Variants in BDP1 observed in about 807,000 individuals in gnomAD.
The protein encoded by BDP1 is transcription factor TFIIIB component B'' homolog.
A neutral mutation model predicts 266.6 loss-of-function variants in BDP1; 169 were observed. The ratio of observed to expected loss-of-function variants is 0.63; its 90% CI spans 0.56 to 0.72. BDP1 has a LOEUF of 0.72. Ranked by LOEUF, BDP1 falls within the 30% of genes least tolerant of loss-of-function variation. The probability of loss-of-function intolerance (pLI) is 0.00; values close to 1 mark genes in which losing one functional copy is unlikely to be tolerated. For missense variants in BDP1, 3,015 were observed against 3,053.8 expected, an observed-to-expected ratio of 0.99 and a Z score of 0.30; for synonymous variants, 1,090 against 1,022.4, an observed-to-expected ratio of 1.07 and a Z score of -1.26.
At position 71,545,219 on chromosome 5, in the gene BDP1, G is replaced by A. The variant is rs2150572413; in HGVS notation, c.6744G>A (p.Glu2248=). The change falls in exon 32 of 39, where the codon GAG becomes GAA. Residue 2248 remains glutamate (E), a splice_region_variant and synonymous_variant. Coordinates refer to ENST00000358731, the MANE Select transcript of BDP1 (RefSeq NM_018429.3). The part of the protein sequence containing the change: ...GDSVLTLPVP[E]YTPTSIPEVQ... ...GTGTGCTTACACTTCCTGTGCCAGAGGTAAAAGAATGTACAGTATAATAAG... is the reference window on the plus strand; with the variant it reads ...GTGTGCTTACACTTCCTGTGCCAGAAGTAAAAGAATGTACAGTATAATAAG... 6.2e-7 allele frequency: 1 copy of A among 1,611,342 alleles called. No individual in the cohort carries two copies. Among genetic ancestry groups the A allele is most frequent in the Non-Finnish European group, 8.5e-7 (1 of 1,179,318 alleles).
At chr5:71,520,981 G>T (rs1005119012) in intron 22 of BDP1, among the ~76,000 whole-genome samples, 2 of 151,900 alleles carry the variant, frequency 1.3e-5, no homozygotes, top group African/African-American at 4.8e-5. Flanking sequence ...CTGAGTTCGG[G>T]AGTTTGAGAC....
In BDP1 at chr5:71,558,715, A is replaced by G. The variant is rs182325990; in HGVS notation, c.7241-1267A>G. On this transcript the variant is annotated intron_variant, in intron 36 of 38. Coordinates refer to ENST00000358731, the MANE Select transcript of BDP1 (RefSeq NM_018429.3). ...GTGGCGGGCACCTGTAATCCCAGTT[A>G]CTCGGCAGGCTGAGGCAGGAGAATC... Among the ~76,000 whole-genome samples, 709 of 151,730 alleles carry G rather than the reference A, an allele frequency of 4.7e-3. 4 individuals carry two copies. In the Middle Eastern group the frequency reaches 0.065, roughly 14 times the overall value.
At chr5:71,562,893 A>G (rs1743779950) in intron 38 of BDP1, 9 of 1,287,412 alleles carry the variant, frequency 7.0e-6, no homozygotes, top group Non-Finnish European at 9.1e-6. Flanking sequence ...AAGCTGTCCA[A>G]TGGCAAGTAT....
intron 11 of BDP1, among the ~76,000 whole-genome samples, chr5:71,492,320 G>C (rs1241631494): frequency 6.6e-6 from 1 of 152,084 alleles, no homozygotes; most frequent in East Asian, 1.9e-4. Context: ...CCTCCATACT[G>C]TTTCCAATAG....
In BDP1 at chr5:71,541,699, A is replaced by G; in HGVS notation, c.6251+17A>G. 7.0e-7 allele frequency: 1 copy of G among 1,432,994 alleles called. No homozygotes were observed. The highest frequency in any genetic ancestry group is 9.5e-7 in the Non-Finnish European group (1 of 1,051,224). The allele number at this position is 1,432,994 out of a possible 1,614,324, so 88.8% of individuals were successfully genotyped here. ...ACCAACCAGGTTTATTTTAGTATTC[A>G]ATTAATAAATATTACTAAAACCACC... On this transcript the variant is annotated intron_variant, in intron 29 of 38. Coordinates refer to ENST00000358731, the MANE Select transcript of BDP1 (RefSeq NM_018429.3).
intron 26 of BDP1, 62 bp from the exon 27 acceptor site, chr5:71,538,980 C>A: frequency 8.9e-7 from 1 of 1,125,818 alleles, no homozygotes; most frequent in Non-Finnish European, 1.3e-6. Context: ...GTAGTGCATG[C>A]TGAGAAACAG....
intron 22 of BDP1, among the ~76,000 whole-genome samples, chr5:71,520,815 A>G (rs1765453742): frequency 6.6e-6 from 1 of 152,190 alleles, no homozygotes; most frequent in Non-Finnish European, 1.5e-5. Context: ...CAGTAGAGAA[A>G]AATAAAGTTT....
rs1223989173 is a variant in BDP1, at chr5:71,564,868, G to C, written c.7858G>C (p.Val2620Leu). 16 of 1,605,914 alleles carry C rather than the reference G, an allele frequency of 1.0e-5. No homozygotes were observed. The East Asian group carries it at 3.6e-4, about 36-fold the overall frequency. The part of the protein sequence containing the change: ...EYFFNDIFIE[V>L]DETE ...TTTCTTCAATGATATCTTCATTGAA[G>C]TGGATGAAACAGAATAAAACAATCT... Residue 2620 changes from valine to leucine, a missense_variant, in exon 39 of 39, where the codon GTG (valine) becomes CTG (leucine). Physicochemically the swap from Val to Leu is conservative, Grantham distance 32. Coordinates refer to ENST00000358731, the MANE Select transcript of BDP1 (RefSeq NM_018429.3).
At position 71,544,367 on chromosome 5, in the gene BDP1, A is replaced by G. The variant is rs374941704; in HGVS notation, c.6423A>G (p.Lys2141=). 3 of 1,607,790 alleles carry G rather than the reference A, an allele frequency of 1.9e-6. No individual in the cohort carries two copies. Among genetic ancestry groups the G allele is most frequent in the Non-Finnish European group, 2.5e-6 (3 of 1,178,560 alleles). Residue 2141 remains lysine, a synonymous_variant, in exon 31 of 39, where the codon AAA becomes AAG. Coordinates refer to ENST00000358731, the MANE Select transcript of BDP1 (RefSeq NM_018429.3). Reference sequence around the variant, plus strand: ...TGCTTTTTGTTTAAGAAACAGAGAAAAATGCTTCCAAAGCAACAGAATTGG... The same window carrying G: ...TGCTTTTTGTTTAAGAAACAGAGAAGAATGCTTCCAAAGCAACAGAATTGG... ...AEMETQRETE[K]NASKATELEN...
At chr5:71,513,108 C>A in intron 18 of BDP1, 77 bp from the exon 19 acceptor site, 6 of 874,762 alleles carry the variant, frequency 6.9e-6, no homozygotes, top group Non-Finnish European at 1.1e-5. Context: ...TACCGCCAGT[C>A]TCTAAGGTTG....
intron 34 of BDP1, among the ~76,000 whole-genome samples, chr5:71,551,977 C>T (rs1448526785): frequency 3.4e-5 from 5 of 147,778 alleles, no homozygotes; most frequent in Non-Finnish European, 7.5e-5. Context: ...CCCTCCCGGA[C>T]GGGGCGGCTG....
Position 71,564,911 on chromosome 5 carries a change from T to C in BDP1, c.*26T>C. 6.4e-7 allele frequency: 1 copy of C among 1,569,506 alleles called. No homozygotes were observed. ...AACAATCTTTTCTCTTTTTCTTTTT[T>C]AAATTAGGTCTAGGATTTCCAGAGT... On this transcript the variant is annotated 3_prime_UTR_variant, in exon 39 of 39. Transcript: ENST00000358731.
chr5:71,573,594 A>C, the BDP1 span, among the ~76,000 whole-genome samples: 2 of 152,214 alleles, frequency 1.3e-5, no homozygotes, highest in African/African-American at 2.4e-5. Context: ...TTACCCTTTG[A>C]TGTAAAACAA....
intron 14 of BDP1, 44 bp downstream of exon 14, chr5:71,501,697 A>C: frequency 9.9e-7 from 1 of 1,011,750 alleles, no homozygotes; most frequent in Non-Finnish European, 1.5e-6. Flanking sequence ...AAAAAAAGTA[A>C]CTCTTAGGAA....
chr5:71,546,478 C>T (rs1010583157), intron 32 of BDP1, among the ~76,000 whole-genome samples: 3 of 151,660 alleles, frequency 2.0e-5, no homozygotes, highest in African/African-American at 4.8e-5. Flanking sequence ...ATTAGCCAGT[C>T]GTGGTGGCAT....
intron 22 of BDP1, among the ~76,000 whole-genome samples, chr5:71,519,098 G>A (rs1765370019): frequency 6.6e-6 from 1 of 151,870 alleles, no homozygotes; most frequent in African/African-American, 2.4e-5. Context: ...GGGATTACAG[G>A]CATGAGCCAC....
chr5:71,571,308 C>T (rs540017654), downstream of BDP1, among the ~76,000 whole-genome samples: 2 of 152,062 alleles, frequency 1.3e-5, no homozygotes, highest in African/African-American at 4.8e-5. Context: ...CCGTGCCTGG[C>T]TAATACTTAT....
intron 37 of BDP1, among the ~76,000 whole-genome samples, chr5:71,560,836 T>C (rs157045): frequency 0.48 from 72,992 of 152,128 alleles, 17,795 homozygotes; most frequent in South Asian, 0.55. Context: ...GGGAAGGGGT[T>C]GGGGAAAGGA....
chr5:71,553,236 C>A lies in BDP1; in HGVS notation c.7116C>A (p.Cys2372Ter). 1 of 1,613,358 alleles carries A rather than the reference C, an allele frequency of 6.2e-7. No homozygotes were observed. Among genetic ancestry groups the A allele is most frequent in the Non-Finnish European group, 8.5e-7 (1 of 1,179,930 alleles). Reference sequence around the variant, plus strand: ...TTGTATCTAGGAAGAGATTTCAATGCAGGCTTGATAAAAATGACCACATTC... The same window carrying A: ...TTGTATCTAGGAAGAGATTTCAATGAAGGCTTGATAAAAATGACCACATTC... ...LDLVSRKRFQCRLDKNDHIPP... is the reference protein window; with the variant it reads ...LDLVSRKRFQ Residue 2372 changes from cysteine (C) to a stop codon, truncating the protein, a stop_gained, in exon 35 of 39, where the codon TGC becomes TGA. Transcript: ENST00000358731. LOFTEE classifies it high-confidence loss of function.
Sources: gnomAD v4.1 joint callset for allele counts (sites outside exome capture counted in the v4.1 genomes callset) on GRCh38, gnomAD v4.1.1 for gene constraint, MANE v1.5 for transcripts, NCBI Gene and HGNC (gene_info 2026-07-23, HGNC 2026-07-21) for gene names.